The following NTM variants were observed in gnomAD, a reference collection of about 807,000 sequenced individuals.
NTM encodes the protein neurotrimin.
A neutral mutation model predicts 42.1 loss-of-function variants in NTM; 13 were observed. The ratio of observed to expected loss-of-function variants is 0.31; its 90% CI spans 0.20 to 0.49. The LOEUF is 0.49. Ranked by LOEUF, NTM falls within the 20% of genes least tolerant of loss-of-function variation. The pLI, the probability that NTM is intolerant of heterozygous loss-of-function variation, is 0.99. For missense variants in NTM, 373 were observed against 452.8 expected (o/e 0.82, Z 1.60); for synonymous variants, 187 against 179.2 (o/e 1.04, Z -0.35).
At chr11:131,755,746 T>G (rs79323330) in intron 1 of NTM, among the ~76,000 whole-genome samples, 3,614 of 152,298 alleles carry the variant, frequency 0.024, 144 homozygotes, top group African/African-American at 0.081. Context: ...GGAGCAACAC[T>G]CTATAGTGAA....
chr11:131,660,642 C>A (rs557092266), intron 1 of NTM: 11 of 453,330 alleles, frequency 2.4e-5, no homozygotes, highest in South Asian at 3.1e-5. Context: ...ACCCCTCCCC[C>A]CTTATTCCTT....
chr11:132,087,937 C>T lies in NTM; in HGVS notation c.168-58345C>T, dbSNP rs1438428703. Among the ~76,000 whole-genome samples, 7 of 152,332 alleles carry T rather than the reference C, an allele frequency of 4.6e-5. No individual in the cohort carries two copies. The East Asian group carries it at 1.2e-3, about 25-fold the overall frequency. Reference sequence around the variant, plus strand: ...CCAGCCGGCTGCACAGGGCCCAGGTCCCTGAGGCCCCCTTGGGTCCCCGGC... The same window carrying T: ...CCAGCCGGCTGCACAGGGCCCAGGTTCCTGAGGCCCCCTTGGGTCCCCGGC... On this transcript the variant is annotated intron_variant, in intron 2 of 8. Transcript: ENST00000683400.
intron 1 of NTM, among the ~76,000 whole-genome samples, chr11:131,860,861 A>G (rs1026509136): frequency 2.6e-5 from 4 of 152,202 alleles, no homozygotes; most frequent in East Asian, 1.9e-4. Flanking sequence ...CTTGCTGGCT[A>G]CATACTTATG....
At chr11:131,422,600 C>A (rs987206214) in intron 1 of NTM, among the ~76,000 whole-genome samples, 1 of 152,180 alleles carries the variant, frequency 6.6e-6, no homozygotes, top group African/African-American at 2.4e-5. Flanking sequence ...GGGCCATCCT[C>A]CCCGCTCCAA....
intron 2 of NTM, among the ~76,000 whole-genome samples, chr11:132,058,391 C>T (rs779987682): frequency 6.6e-6 from 1 of 152,172 alleles, no homozygotes; most frequent in Non-Finnish European, 1.5e-5. Flanking sequence ...GAGAACTCTG[C>T]CCTGCGAAGC....
chr11:131,728,399 TA>T (rs1457543274), intron 1 of NTM, among the ~76,000 whole-genome samples: 2 of 152,176 alleles, frequency 1.3e-5, no homozygotes, highest in Admixed American at 6.5e-5. Flanking sequence ...CAGTTTATTA[TA>T]AAGGGTATTG....
At chr11:131,878,655 A>C (rs1299467854) in intron 1 of NTM, among the ~76,000 whole-genome samples, 1 of 135,008 alleles carries the variant, frequency 7.4e-6, no homozygotes, top group African/African-American at 2.8e-5. Flanking sequence ...TCTTATGTTC[A>C]TACAGCACTT....
At chr11:131,942,153 T>G in intron 2 of NTM, among the ~76,000 whole-genome samples, 1 of 152,194 alleles carries the variant, frequency 6.6e-6, no homozygotes, top group East Asian at 1.9e-4. Flanking sequence ...TGGAACATGA[T>G]GTGGCAGAAG....
At chr11:132,188,906 AC>A (rs2078862953) in intron 3 of NTM, among the ~76,000 whole-genome samples, 1 of 152,142 alleles carries the variant, frequency 6.6e-6, no homozygotes, top group South Asian at 2.1e-4. Context: ...TCCTCTGCCA[AC>A]CATTTTGACT....
At chr11:132,030,721 A>T (rs1156349519) in intron 2 of NTM, among the ~76,000 whole-genome samples, 1 of 152,218 alleles carries the variant, frequency 6.6e-6, no homozygotes, top group Non-Finnish European at 1.5e-5. Context: ...TAAGAAGAAG[A>T]TATGATTCTG....
intron 1 of NTM, among the ~76,000 whole-genome samples, chr11:131,830,050 G>A (rs2042621613): frequency 6.6e-6 from 1 of 152,056 alleles, no homozygotes; most frequent in Admixed American, 6.6e-5. Context: ...TTTTCAAATT[G>A]TTCAAGTTTA....
intron 1 of NTM, among the ~76,000 whole-genome samples, chr11:131,486,863 C>T (rs1954227609): frequency 6.6e-6 from 1 of 152,174 alleles, no homozygotes; most frequent in South Asian, 2.1e-4. Context: ...TCTTAGGAAG[C>T]AGACGAATAG....
At chr11:131,637,777 G>A (rs1391687162) in intron 1 of NTM, among the ~76,000 whole-genome samples, 1 of 151,974 alleles carries the variant, frequency 6.6e-6, no homozygotes, top group Admixed American at 6.6e-5. Context: ...TGAAAGCCAG[G>A]CTGGCTCATC....
intron 1 of NTM, among the ~76,000 whole-genome samples, chr11:131,390,853 C>G (rs1398203315): frequency 6.6e-6 from 1 of 152,170 alleles, no homozygotes; most frequent in Non-Finnish European, 1.5e-5. Flanking sequence ...TCAAGAAGCC[C>G]TCTGCATGAT....
At chr11:131,467,865 C>G (rs527374105) in intron 1 of NTM, among the ~76,000 whole-genome samples, 1 of 152,274 alleles carries the variant, frequency 6.6e-6, no homozygotes, top group African/African-American at 2.4e-5. Flanking sequence ...GTGAGCTGTT[C>G]CCCCAGCCAC....
intron 1 of NTM, among the ~76,000 whole-genome samples, chr11:131,885,060 T>C (rs1158550373): frequency 6.6e-6 from 1 of 152,074 alleles, no homozygotes; most frequent in East Asian, 1.9e-4. Flanking sequence ...CATCCTAATG[T>C]AAAGAAGAGC....
chr11:132,310,793 C>T (rs775319370), intron 6 of NTM, among the ~76,000 whole-genome samples: 3 of 152,130 alleles, frequency 2.0e-5, no homozygotes, highest in Non-Finnish European at 4.4e-5. Context: ...TTCCCATTGT[C>T]ACAGCATCCT....
chr11:132,318,109 A>C (rs1205048387), intron 7 of NTM, among the ~76,000 whole-genome samples: 2 of 152,186 alleles, frequency 1.3e-5, no homozygotes, highest in East Asian at 1.9e-4. Context: ...TGTCAAACGC[A>C]TCAACTGGCT....
intron 1 of NTM, among the ~76,000 whole-genome samples, chr11:131,846,517 C>G (rs2044922506): frequency 6.6e-6 from 1 of 152,080 alleles, no homozygotes; most frequent in African/African-American, 2.4e-5. Flanking sequence ...TGTTTTAACT[C>G]TATCATGAAC....
Sources: gnomAD v4.1 joint callset for allele counts (sites outside exome capture counted in the v4.1 genomes callset) on GRCh38, gnomAD v4.1.1 for gene constraint, MANE v1.5 for transcripts, NCBI Gene and HGNC (gene_info 2026-07-23, HGNC 2026-07-21) for gene names.